ADAM10: variants seen among roughly 807,000 people sequenced by gnomAD.
ADAM10 encodes the protein ADAM metallopeptidase domain 10.
ADAM10 carries 17 observed loss-of-function variants against 90.1 expected under a neutral mutation model. The observed-to-expected ratio is 0.19, with a 90% CI of 0.13 to 0.28. The LOEUF is 0.28. Ranked by LOEUF, ADAM10 falls within the 10% of genes least tolerant of loss-of-function variation. The probability of loss-of-function intolerance (pLI) is 1.00; values close to 1 mark genes in which losing one functional copy is unlikely to be tolerated. For missense variants in ADAM10, 610 were observed against 914.3 expected (o/e 0.67, Z 4.29); for synonymous variants, 310 against 298.6 (o/e 1.04, Z -0.40).
intron 11 of ADAM10, among the ~76,000 whole-genome samples, chr15:58,616,744 A>AC (rs1433307348): frequency 2.0e-5 from 3 of 152,118 alleles, no homozygotes; most frequent in African/African-American, 4.8e-5. Context: ...AACGAACCAA[A>AC]CCCCAAATTA....
Position 58,717,732 on chromosome 15 carries a change from A to T in ADAM10, c.56-5T>A. 3 of 1,452,100 alleles carry T rather than the reference A, an allele frequency of 2.1e-6. No individual in the cohort carries two copies. The highest frequency in any genetic ancestry group is 1.2e-5 in the South Asian group (1 of 81,226). The allele number at this position is 1,452,100 out of a possible 1,614,324, so 90.0% of individuals were successfully genotyped here. ...TTAAAGGATTCCCATACTGACCTAT[A>T]AAAAAAAAACAACATTCTGAATTAG... On this transcript the variant is annotated splice_polypyrimidine_tract_variant and splice_region_variant and intron_variant, in intron 1 of 15. Coordinates refer to ENST00000260408, the MANE Select transcript of ADAM10 (RefSeq NM_001110.4).
chr15:58,640,001 A>G (rs1378153800), intron 8 of ADAM10, among the ~76,000 whole-genome samples: 4 of 152,290 alleles, frequency 2.6e-5, no homozygotes, highest in African/African-American at 7.2e-5. Flanking sequence ...ATTTATATTC[A>G]AAGAGCCTGG....
chr15:58,707,892 T>C (rs1898354131), intron 2 of ADAM10, among the ~76,000 whole-genome samples: 2 of 151,782 alleles, frequency 1.3e-5, no homozygotes, highest in Non-Finnish European at 2.9e-5. Flanking sequence ...GCCTGGCCAA[T>C]ATGGTGAAAT....
chr15:58,668,457 T>A (rs1334575232), intron 4 of ADAM10, among the ~76,000 whole-genome samples: 1 of 152,122 alleles, frequency 6.6e-6, no homozygotes, highest in East Asian at 1.9e-4. Flanking sequence ...TTTCTTTAGT[T>A]CCCAAGCTGT....
At chr15:58,714,050 C>T (rs1285930406) in intron 2 of ADAM10, among the ~76,000 whole-genome samples, 2 of 152,074 alleles carry the variant, frequency 1.3e-5, no homozygotes, top group East Asian at 1.9e-4. Flanking sequence ...GTGATCCACC[C>T]GCCTCAGCCT....
chr15:58,689,949 C>CG (rs1197320048), intron 2 of ADAM10, among the ~76,000 whole-genome samples: 1 of 131,968 alleles, frequency 7.6e-6, no homozygotes, highest in African/African-American at 2.8e-5. Context: ...GACAGACCCC[C>CG]CCCAAAAAAA....
At chr15:58,746,596 C>A (rs1899799373) in intron 1 of ADAM10, among the ~76,000 whole-genome samples, 1 of 152,060 alleles carries the variant, frequency 6.6e-6, no homozygotes, top group African/African-American at 2.4e-5. Flanking sequence ...GTAAATTTTT[C>A]TTGTTAAGAA....
At chr15:58,665,429 T>C (rs1342003282) in intron 4 of ADAM10, among the ~76,000 whole-genome samples, 4 of 152,124 alleles carry the variant, frequency 2.6e-5, no homozygotes, top group Admixed American at 2.6e-4. Context: ...TATAGATGAT[T>C]TGTGAATTCT....
At chr15:58,672,675 G>C (rs1449517080) in intron 4 of ADAM10, 2 of 150,912 alleles carry the variant, frequency 1.3e-5, no homozygotes, top group African/African-American at 4.9e-5. Context: ...AACTGGGAAA[G>C]ATGTGGATAT....
intron 10 of ADAM10, among the ~76,000 whole-genome samples, chr15:58,623,580 T>C (rs528821063): frequency 2.6e-5 from 4 of 152,106 alleles, no homozygotes; most frequent in African/African-American, 7.2e-5. Flanking sequence ...CCATCAATGA[T>C]AGACTGGATA....
chr15:58,659,456 T>G (rs541104042), intron 5 of ADAM10, among the ~76,000 whole-genome samples: 1 of 152,262 alleles, frequency 6.6e-6, no homozygotes, highest in Admixed American at 6.5e-5. Flanking sequence ...TTTTTACTAG[T>G]CTACTGAGAT....
intron 1 of ADAM10, among the ~76,000 whole-genome samples, chr15:58,739,318 A>C (rs1335494063): frequency 1.4e-5 from 2 of 147,914 alleles, no homozygotes; most frequent in African/African-American, 4.9e-5. Context: ...CATCCTGGCT[A>C]ACATGGTGAA....
rs1176033058 is a variant in ADAM10, at chr15:58,597,443, T to C, written c.*104A>G. 2 of 1,587,448 alleles carry C rather than the reference T, an allele frequency of 1.3e-6. No individual in the cohort carries two copies. The highest frequency in any genetic ancestry group is 1.7e-6 in the Non-Finnish European group (2 of 1,165,508). Reference sequence around the variant, plus strand: ...TCTCTTGCCATTTTTTCTTCAACTGTTACTTGTGAGGGTTTAGTTTGGAGA... The same window carrying C: ...TCTCTTGCCATTTTTTCTTCAACTGCTACTTGTGAGGGTTTAGTTTGGAGA... On this transcript the variant is annotated 3_prime_UTR_variant, in exon 16 of 16. Coordinates refer to ENST00000260408, the MANE Select transcript of ADAM10 (RefSeq NM_001110.4).
intron 2 of ADAM10, among the ~76,000 whole-genome samples, chr15:58,697,658 C>T (rs1045688780): frequency 6.6e-6 from 1 of 152,144 alleles, no homozygotes; most frequent in African/African-American, 2.4e-5. Flanking sequence ...CACTATCAAC[C>T]ATGCCACATA....
chr15:58,726,566 C>CAAAAAAA lies in ADAM10; in HGVS notation c.56-8840_56-8839insTTTTTTT, dbSNP rs1285094094. ...GGCGACAGAGCGAGACCTCAGTCTCCCAAAAAAAAAAAAAAAAAAAAAAAA... is the reference window on the plus strand; with the variant it reads ...GGCGACAGAGCGAGACCTCAGTCTCCAAAAAAACAAAAAAAAAAAAAAAAAAAAAAAA... On this transcript the variant is annotated intron_variant, in intron 1 of 15. Coordinates refer to ENST00000260408, the MANE Select transcript of ADAM10 (RefSeq NM_001110.4). Among the ~76,000 whole-genome samples the CAAAAAAA allele has an allele frequency of 1.0e-3, 10 of 9,798 alleles. No individual in the cohort carries two copies. The East Asian group carries it at 0.011, about 11-fold the overall frequency. The allele number at this position is 9,798 out of a possible 152,430, so 6.4% of individuals were successfully genotyped here. A position where few individuals can be genotyped will look rare whatever the true frequency, so the allele number is the denominator to read the frequency against.
chr15:58,691,199 G>A, intron 2 of ADAM10: 1 of 748,686 alleles, frequency 1.3e-6, no homozygotes, highest in South Asian at 1.4e-5. Context: ...TTTCTTTCAT[G>A]AGCCTGCAGA....
chr15:58,714,802 G>A (rs1415055102), intron 2 of ADAM10, among the ~76,000 whole-genome samples: 2 of 151,996 alleles, frequency 1.3e-5, no homozygotes, highest in African/African-American at 2.4e-5. Flanking sequence ...TAGAAATCCT[G>A]TTAGGAGGAG....
At chr15:58,647,188 G>T (rs924677359) in intron 5 of ADAM10, among the ~76,000 whole-genome samples, 7 of 146,222 alleles carry the variant, frequency 4.8e-5, no homozygotes, top group African/African-American at 1.8e-4. Flanking sequence ...ATCTCTGTTT[G>T]ATCCTCACTG....
At chr15:58,611,267 A>G in intron 12 of ADAM10, 160 bp from the exon 13 acceptor site, 1 of 626,454 alleles carries the variant, frequency 1.6e-6, no homozygotes, top group African/African-American at 1.8e-5. Context: ...AATTACATAA[A>G]TACATTTGAA....
Sources: allele counts gnomAD v4.1 joint callset (sites outside exome capture counted in the v4.1 genomes callset), GRCh38; gene constraint gnomAD v4.1.1; transcripts MANE v1.5; gene names NCBI Gene and HGNC (gene_info 2026-07-23, HGNC 2026-07-21).